The following TP53BP1 variants were observed in gnomAD, a reference collection of about 807,000 sequenced individuals.
TP53BP1 encodes the protein TP53-binding protein 1.
Under a neutral mutation model 200.8 loss-of-function variants are expected in TP53BP1, and 61 were observed. The ratio of observed to expected loss-of-function variants is 0.30; its 90% CI spans 0.25 to 0.38. TP53BP1 has a LOEUF of 0.38. TP53BP1 is among the 10% of genes least tolerant of loss of function. The pLI, the probability that TP53BP1 is intolerant of heterozygous loss-of-function variation, is 1.00. For missense variants in TP53BP1, 2,144 were observed against 2,371.9 expected, an observed-to-expected ratio of 0.90 and a Z score of 2.00; for synonymous variants, 822 against 844.3, an observed-to-expected ratio of 0.97 and a Z score of 0.46.
chr15:43,411,248 A>T (rs1178218015), intron 24 of TP53BP1, among the ~76,000 whole-genome samples: 1 of 152,070 alleles, frequency 6.6e-6, no homozygotes, highest in Non-Finnish European at 1.5e-5. Flanking sequence ...TTCATTTTTG[A>T]GGTATAAGTG....
At chr15:43,462,805 C>T (rs1234359470) in intron 11 of TP53BP1, among the ~76,000 whole-genome samples, 3 of 152,120 alleles carry the variant, frequency 2.0e-5, no homozygotes, top group Non-Finnish European at 4.4e-5. Flanking sequence ...GCCTGTAATT[C>T]CAGCACTTTG....
In TP53BP1 at chr15:43,492,454, G is replaced by T; in HGVS notation, c.22C>A (p.Pro8Thr). The T allele has an allele frequency of 6.2e-7, 1 of 1,613,604 alleles. No individual in the cohort carries two copies. Among genetic ancestry groups the T allele is most frequent in the Non-Finnish European group, 8.5e-7 (1 of 1,179,720 alleles). Reference protein sequence around the residue: MPGEQMDPTGSQLDSDFS... With the variant: MPGEQMDTTGSQLDSDFS... ...TCTGAATCCAACTGACTTCCAGTAGGGTCCATCTGCTCCCCTGGAATGGAA... is the reference window on the plus strand; with the variant it reads ...TCTGAATCCAACTGACTTCCAGTAGTGTCCATCTGCTCCCCTGGAATGGAA... Residue 8 changes from proline (P) to threonine (T), a missense_variant, in exon 2 of 28, where the codon CCT becomes ACT. Physicochemically the swap from Pro to Thr is conservative, Grantham distance 38 (BLOSUM62 -1). Transcript: ENST00000382044.
At position 43,432,485 on chromosome 15, in the gene TP53BP1, A is replaced by G. The variant is rs2045694941; in HGVS notation, c.3384T>C (p.Asp1128=). The G allele has an allele frequency of 3.1e-6, 5 of 1,614,058 alleles. No homozygotes were observed. The African/African-American group carries it at 4.0e-5, about 13-fold the overall frequency. Residue 1128 remains aspartate (D), a synonymous_variant, in exon 17 of 28, where the codon GAT becomes GAC. Transcript: ENST00000382044. ...GTCCTTCTTTCTGGTCTTCTAGCAC[A>G]TCTGTCACCATTGCCTCTCCTTGAG... The part of the protein sequence containing the change: ...SSPQGEAMVT[D]VLEDQKEGRS...
chr15:43,437,129 A>T (rs1364879084), intron 16 of TP53BP1, among the ~76,000 whole-genome samples: 2 of 152,152 alleles, frequency 1.3e-5, no homozygotes, highest in African/African-American at 4.8e-5. Context: ...ACTGCACCTC[A>T]GCCTGGGTGA....
chr15:43,446,801 T>C lies in TP53BP1; in HGVS notation c.2837-211A>G, dbSNP rs983683923. 2.1e-5 allele frequency: 31 copies of C among 1,500,130 alleles called. No homozygotes were observed. In the Middle Eastern group the frequency reaches 9.1e-4, roughly 44 times the overall value. 92.9% of individuals were successfully genotyped at this position (1,500,130 alleles called of 1,614,324 possible). A position where few individuals can be genotyped will look rare whatever the true frequency, so the allele number is the denominator to read the frequency against. ...GAGGAGCAACAGGATTCAGTTCCAC[T>C]TCTGCATCTGGACAAAGGATGCTGC... is the stretch of plus-strand genomic sequence containing the variant. On this transcript the variant is annotated intron_variant, in intron 13 of 27. Transcript: ENST00000382044.
At chr15:43,457,873 G>C (rs945487890) in intron 11 of TP53BP1, among the ~76,000 whole-genome samples, 1 of 151,558 alleles carries the variant, frequency 6.6e-6, no homozygotes, top group African/African-American at 2.4e-5. Context: ...ACAAGAATTA[G>C]CCGGGTGGGG....
At chr15:43,415,834 T>G (rs1287576208) in intron 22 of TP53BP1, 25 bp from the exon 23 acceptor site, 4 of 1,603,636 alleles carry the variant, frequency 2.5e-6, no homozygotes, top group Non-Finnish European at 3.4e-6. Context: ...GCCAAACAGG[T>G]TGGTCAAACT....
intron 12 of TP53BP1, among the ~76,000 whole-genome samples, chr15:43,448,713 G>T (rs1378489793): frequency 6.6e-6 from 1 of 151,712 alleles, no homozygotes; most frequent in Non-Finnish European, 1.5e-5. Flanking sequence ...CTAATTTTTT[G>T]TATTTTTAGT....
intron 14 of TP53BP1, among the ~76,000 whole-genome samples, chr15:43,446,084 T>C (rs2046035197): frequency 6.6e-6 from 1 of 152,188 alleles, no homozygotes; most frequent in Non-Finnish European, 1.5e-5. Context: ...AGAATCAACA[T>C]TAATCTGCAA....
At chr15:43,427,622 A>C (rs45497801) in intron 18 of TP53BP1, among the ~76,000 whole-genome samples, 6,214 of 152,270 alleles carry the variant, frequency 0.041, 168 homozygotes, top group Middle Eastern at 0.11. Flanking sequence ...TTGCACAGGA[A>C]AGCGGGATGG....
Position 43,407,975 on chromosome 15 carries a change from A to G in TP53BP1, c.5714T>C (p.Val1905Ala). ...EILMTGGAAS[V>A]KQHHSSAHNK... ...ATGGGCACTTGAATGGTGCTGCTTCACAGAGGCTGCACCACCAGTCATGAG... is the reference window on the plus strand; with the variant it reads ...ATGGGCACTTGAATGGTGCTGCTTCGCAGAGGCTGCACCACCAGTCATGAG... Residue 1905 changes from valine (V) to alanine (A), a missense_variant, in exon 27 of 28, where the codon GTG becomes GCG. Around this residue, in one of 4 missense-constraint regions of TP53BP1, gnomAD observed 334 missense variants for 453.4 expected, o/e 0.74. Coordinates refer to ENST00000382044, the MANE Select transcript of TP53BP1 (RefSeq NM_001141980.3). The G allele has an allele frequency of 6.2e-7, 1 of 1,613,842 alleles. No individual in the cohort carries two copies. Among genetic ancestry groups the G allele is most frequent in the South Asian group, 1.1e-5 (1 of 91,070 alleles).
chr15:43,493,911 C>T (rs897069977), upstream of TP53BP1, among the ~76,000 whole-genome samples: 2 of 152,168 alleles, frequency 1.3e-5, no homozygotes, highest in African/African-American at 4.8e-5. Context: ...TCTCAAACTC[C>T]ATGGTAAAGA....
chr15:43,416,418 T>TG lies in TP53BP1; in HGVS notation c.4682-3dup. ...CCTTCCTATGTCCTTTCACCACTCC[T>TG]GGGGGGTGGAAAGCATAAAAGAAGC... On this transcript the variant is annotated splice_region_variant and splice_polypyrimidine_tract_variant and intron_variant, in intron 21 of 27. Coordinates refer to ENST00000382044, the MANE Select transcript of TP53BP1 (RefSeq NM_001141980.3). The TG allele has an allele frequency of 6.2e-7, 1 of 1,613,224 alleles. No individual in the cohort carries two copies. The highest frequency in any genetic ancestry group is 8.5e-7 in the Non-Finnish European group (1 of 1,179,546).
upstream of TP53BP1, among the ~76,000 whole-genome samples, chr15:43,495,408 A>C (rs2079175931): frequency 6.6e-6 from 1 of 151,506 alleles, no homozygotes. Flanking sequence ...CTGAGGCAGG[A>C]GAATTGCTTG....
At position 43,420,659 on chromosome 15, in the gene TP53BP1, G is replaced by A. The variant is rs1388529096; in HGVS notation, c.4327C>T (p.Arg1443Cys). The change falls in exon 21 of 28, where the codon CGT becomes TGT. Residue 1443 changes from arginine to cysteine, a missense_variant. Physicochemically the swap from Arg to Cys is radical, Grantham distance 180. This residue lies in a region of TP53BP1 where 49 missense variants were observed against 60.7 expected (regional missense o/e 0.81). Transcript: ENST00000382044. ...GAGTCTGGCACTCGGGGCACGACAC[G>A]GCTGAAGGATTTATCATCTGGTGAC... ...NLSPDDKSFS[R>C]VVPRVPDSTR... is the part of the protein sequence containing the mutation. 2.5e-6 allele frequency: 4 copies of A among 1,614,192 alleles called. No individual in the cohort carries two copies. The highest frequency in any genetic ancestry group is 2.2e-5 in the East Asian group (1 of 44,890).
At position 43,481,027 on chromosome 15, in the gene TP53BP1, ACAG is replaced by A. The variant is rs746499518; in HGVS notation, c.372-8_372-6del. ...TCCACTGACATTCCCAGAACACTAC[ACAG>A]CAGAAGGATATAATCATGTGTTCCC... is the stretch of plus-strand genomic sequence containing the variant. On this transcript the variant is annotated splice_region_variant and splice_polypyrimidine_tract_variant and intron_variant, in intron 4 of 27. Coordinates refer to ENST00000382044, the MANE Select transcript of TP53BP1 (RefSeq NM_001141980.3). The A allele has an allele frequency of 8.0e-5, 129 of 1,614,022 alleles. No individual in the cohort carries two copies. In the African/African-American group the frequency reaches 1.6e-3, roughly 20 times the overall value.
At chr15:43,467,981 C>T (rs995063806) in intron 11 of TP53BP1, among the ~76,000 whole-genome samples, 2 of 152,092 alleles carry the variant, frequency 1.3e-5, no homozygotes, top group Non-Finnish European at 2.9e-5. Flanking sequence ...GACTGGGTTT[C>T]ACTGTGCTGG....
At chr15:43,407,729 T>TAATC (rs1239503175) in intron 27 of TP53BP1, 159 bp from the exon 28 acceptor site, 2 of 806,252 alleles carry the variant, frequency 2.5e-6, no homozygotes, top group Admixed American at 2.9e-5. Context: ...GGCAGAGTTA[T>TAATC]AATCACTATG....
chr15:43,472,164 T>G (rs1211277763), intron 10 of TP53BP1, among the ~76,000 whole-genome samples: 1 of 152,180 alleles, frequency 6.6e-6, no homozygotes, highest in Non-Finnish European at 1.5e-5. Context: ...TACATCTCAT[T>G]AGTTGAAAAA....
Sources: gnomAD v4.1 joint callset for allele counts (sites outside exome capture counted in the v4.1 genomes callset) on GRCh38, gnomAD v4.1.1 for gene constraint, gnomAD v4.1.1 regional missense constraint, MANE v1.5 for transcripts, NCBI Gene and HGNC (gene_info 2026-07-23, HGNC 2026-07-21) for gene names.